ANTXRL: variants seen among roughly 807,000 people sequenced by gnomAD.
The protein encoded by ANTXRL is anthrax toxin receptor-like.
Under a neutral mutation model 75.4 loss-of-function variants are expected in ANTXRL, and 63 were observed. The ratio of observed to expected loss-of-function variants is 0.84; its 90% CI spans 0.68 to 1.03. ANTXRL has a LOEUF of 1.03. Among genes scored for constraint, ANTXRL ranks in the 50% least tolerant of loss-of-function variants. The pLI, the probability that ANTXRL is intolerant of heterozygous loss-of-function variation, is 0.00. For synonymous variants in ANTXRL, 335 were observed against 291.3 expected (o/e 1.15, Z -1.53); for missense variants, 797 against 789.4 (o/e 1.01, Z -0.12).
At chr10:46,315,517 C>A (rs1328098248) in intron 16 of ANTXRL, among the ~76,000 whole-genome samples, 1 of 152,222 alleles carries the variant, frequency 6.6e-6, no homozygotes, top group Non-Finnish European at 1.5e-5. Context: ...AGGATCTCCC[C>A]TCAGACAGGG....
At chr10:46,292,012 G>A (rs1261082099) in intron 1 of ANTXRL, 46 bp from the exon 2 acceptor site, 31 of 1,499,062 alleles carry the variant, frequency 2.1e-5, no homozygotes, top group Middle Eastern at 1.7e-4. Flanking sequence ...CTTGCCCATC[G>A]GAGAGATGCA....
chr10:46,311,997 G>A (rs2999436), intron 15 of ANTXRL, among the ~76,000 whole-genome samples: 84,955 of 143,960 alleles, frequency 0.59, 29,799 homozygotes, highest in African/African-American at 0.76. Flanking sequence ...AGCTCTGGCA[G>A]TGGCCCCTGG....
chr10:46,303,080 G>A (rs1158302437), intron 10 of ANTXRL, among the ~76,000 whole-genome samples: 5 of 152,170 alleles, frequency 3.3e-5, no homozygotes, highest in African/African-American at 1.2e-4. Context: ...GCTGGGTTTA[G>A]GACTGGGTCT....
chr10:46,317,301 C>T (rs782100747), intron 16 of ANTXRL, among the ~76,000 whole-genome samples: 6 of 152,160 alleles, frequency 3.9e-5, no homozygotes, highest in Non-Finnish European at 8.8e-5. Context: ...AAGAAACTAT[C>T]AACAGCTTCT....
chr10:46,297,808 C>A (rs1554959340), intron 7 of ANTXRL, 23 bp from the exon 8 acceptor site: 2 of 1,534,872 alleles, frequency 1.3e-6, no homozygotes, highest in East Asian at 4.9e-5. Flanking sequence ...GTGGGGAGTC[C>A]AACCCAGCTC....
rs540887799 is a variant in ANTXRL, at chr10:46,308,111, G to A, written c.1044+631G>A. Among the ~76,000 whole-genome samples, 5 of 152,280 alleles carry A rather than the reference G, an allele frequency of 3.3e-5. No homozygotes were observed. The South Asian group carries it at 6.2e-4, about 19-fold the overall frequency. On this transcript the variant is annotated intron_variant, in intron 12 of 16. Transcript: ENST00000620264. ...AGGAGGATGTGCTGGAGGGACGGGCGGGAGGCCTGAGCCCACTCCACTGCC... is the reference window on the plus strand; with the variant it reads ...AGGAGGATGTGCTGGAGGGACGGGCAGGAGGCCTGAGCCCACTCCACTGCC...
In ANTXRL at chr10:46,309,217, C is replaced by T; in HGVS notation, c.1134+15C>T. On this transcript the variant is annotated intron_variant, in intron 13 of 16. Coordinates refer to ENST00000620264, the MANE Select transcript of ANTXRL (RefSeq NM_001278688.3). ...GCCGCAAGCAGGCAAGTGCTCCCTG[C>T]CCGCCCAGCTCTGGGGCCCAGGCAC... The T allele has an allele frequency of 6.5e-7, 1 of 1,535,596 alleles. No homozygotes were observed. The highest frequency in any genetic ancestry group is 8.7e-7 in the Non-Finnish European group (1 of 1,146,674).
Position 46,300,041 on chromosome 10 carries a change from C to T in ANTXRL, c.796+1979C>T, listed in dbSNP as rs193062477. On this transcript the variant is annotated intron_variant, in intron 9 of 16. Transcript: ENST00000620264. ...CTCCTCTGATGATGTCCCCTGGACA[C>T]GCACAGCCTGTGGCGTCTGAGCAGC... Among the ~76,000 whole-genome samples the T allele has an allele frequency of 3.5e-3, 528 of 152,304 alleles. 5 individuals are homozygous for T. The highest frequency in any genetic ancestry group is 3.0e-3 in the Non-Finnish European group (201 of 68,024).
intron 1 of ANTXRL, among the ~76,000 whole-genome samples, chr10:46,288,046 C>T (rs1171264995): frequency 6.6e-6 from 1 of 152,236 alleles, no homozygotes; most frequent in South Asian, 2.1e-4. Flanking sequence ...AGTTCCTACA[C>T]TTTCAGAACA....
In ANTXRL at chr10:46,287,050, A is replaced by T; in HGVS notation, c.-213A>T. 1.6e-6 allele frequency: 1 copy of T among 621,838 alleles called. No homozygotes were observed. 38.5% of individuals were successfully genotyped at this position (621,838 alleles called of 1,614,324 possible). ...GGGGAAGGGCCAGGCAGGTAGCTGG[A>T]AGCAAGTCTCCCAGAGCCAGCTGCT... is the stretch of plus-strand genomic sequence containing the variant. On this transcript the variant is annotated 5_prime_UTR_variant, in exon 1 of 17. Coordinates refer to ENST00000620264, the MANE Select transcript of ANTXRL (RefSeq NM_001278688.3).
intron 3 of ANTXRL, among the ~76,000 whole-genome samples, chr10:46,295,118 T>G (rs1837287753): frequency 6.6e-6 from 1 of 152,162 alleles, no homozygotes; most frequent in Non-Finnish European, 1.5e-5. Flanking sequence ...CGGGGCTGCC[T>G]CTCCAGCCTT....
upstream of ANTXRL, among the ~76,000 whole-genome samples, chr10:46,286,807 A>T (rs1554955279): frequency 6.6e-6 from 1 of 152,152 alleles, no homozygotes; most frequent in African/African-American, 2.4e-5. Context: ...CACCTGGGCT[A>T]ACTCTTCCAA....
Position 46,287,049 on chromosome 10 carries a change from G to A in ANTXRL, c.-214G>A. On this transcript the variant is annotated 5_prime_UTR_variant, in exon 1 of 17. Coordinates refer to ENST00000620264, the MANE Select transcript of ANTXRL (RefSeq NM_001278688.3). ...GGGGGAAGGGCCAGGCAGGTAGCTG[G>A]AAGCAAGTCTCCCAGAGCCAGCTGC... is the stretch of plus-strand genomic sequence containing the variant. 1.6e-6 allele frequency: 1 copy of A among 620,766 alleles called. No homozygotes were observed. Among genetic ancestry groups the A allele is most frequent in the East Asian group, 2.8e-5 (1 of 35,256 alleles). 38.5% of individuals were successfully genotyped at this position (620,766 alleles called of 1,614,324 possible).
chr10:46,315,352 G>C (rs1838664836), intron 16 of ANTXRL, among the ~76,000 whole-genome samples: 1 of 152,246 alleles, frequency 6.6e-6, no homozygotes, highest in African/African-American at 2.4e-5. Context: ...CTGGAGACCA[G>C]GCTTGGATGG....
At chr10:46,320,262 CT>C (rs1838918875) in intron 16 of ANTXRL, among the ~76,000 whole-genome samples, 1 of 152,156 alleles carries the variant, frequency 6.6e-6, no homozygotes, top group African/African-American at 2.4e-5. Flanking sequence ...GGGGAACCCA[CT>C]GTATGAAATT....
chr10:46,309,252 C>A (rs1409303969), intron 13 of ANTXRL, 50 bp downstream of exon 13: 6 of 1,528,924 alleles, frequency 3.9e-6, no homozygotes, highest in Non-Finnish European at 2.6e-6. Flanking sequence ...CAGGCCCACC[C>A]TCTGAGGGAC....
At chr10:46,317,704 C>A (rs1175807407) in intron 16 of ANTXRL, among the ~76,000 whole-genome samples, 1 of 150,578 alleles carries the variant, frequency 6.6e-6, no homozygotes, top group Non-Finnish European at 1.5e-5. Flanking sequence ...ACCCCTCCAA[C>A]CCCAAAACAC....
intron 10 of ANTXRL, among the ~76,000 whole-genome samples, chr10:46,305,472 C>T (rs557342555): frequency 1.3e-5 from 2 of 152,246 alleles, no homozygotes; most frequent in Admixed American, 1.3e-4. Context: ...GAGGAGGATG[C>T]CATAATTGTT....
intron 2 of ANTXRL, among the ~76,000 whole-genome samples, chr10:46,293,381 A>AGT (rs781921652): frequency 1.1e-4 from 8 of 73,474 alleles, no homozygotes; most frequent in Non-Finnish European, 2.2e-4. Flanking sequence ...CCTGTGTGTG[A>AGT]GTGTGTGCCT....
Sources: gnomAD v4.1 joint callset for allele counts (sites outside exome capture counted in the v4.1 genomes callset) on GRCh38, gnomAD v4.1.1 for gene constraint, MANE v1.5 for transcripts, NCBI Gene and HGNC (gene_info 2026-07-23, HGNC 2026-07-21) for gene names.